Variants in MAST2 observed in about 807,000 individuals in gnomAD.
MAST2 encodes microtubule associated serine/threonine kinase 2.
In MAST2, 70 loss-of-function variants were observed where a neutral mutation model predicts 147.4. The observed-to-expected ratio is 0.47, with a 90% confidence interval of 0.39 to 0.58. The LOEUF is 0.58. Among genes scored for constraint, MAST2 ranks in the 20% least tolerant of loss-of-function variants. The probability of loss-of-function intolerance (pLI) is 0.00; values close to 1 mark genes in which losing one functional copy is unlikely to be tolerated. For missense variants in MAST2, 2,080 were observed against 2,302.3 expected (o/e 0.90, Z 1.98); for synonymous variants, 869 against 896.8 (o/e 0.97, Z 0.55).
chr1:45,965,212 A>G (rs1435813356), intron 5 of MAST2, among the ~76,000 whole-genome samples: 4 of 151,980 alleles, frequency 2.6e-5, no homozygotes, highest in Admixed American at 6.6e-5. Flanking sequence ...TGGGGTGGAG[A>G]GTTCTGTAGA....
At chr1:45,937,429 C>A (rs898171844) in intron 4 of MAST2, among the ~76,000 whole-genome samples, 1 of 151,926 alleles carries the variant, frequency 6.6e-6, no homozygotes, top group African/African-American at 2.4e-5. Flanking sequence ...CCATGCCTGG[C>A]TGAGACAAAA....
At chr1:45,975,037 GA>G (rs1355290986) in intron 5 of MAST2, among the ~76,000 whole-genome samples, 1 of 152,192 alleles carries the variant, frequency 6.6e-6, no homozygotes, top group Non-Finnish European at 1.5e-5. Context: ...GAGAATGCCT[GA>G]AGATGAAATG....
At chr1:45,923,121 G>T (rs1653799038) in intron 4 of MAST2, among the ~76,000 whole-genome samples, 1 of 152,180 alleles carries the variant, frequency 6.6e-6, no homozygotes, top group Non-Finnish European at 1.5e-5. Flanking sequence ...CTGCCCTAGT[G>T]CCCCTCTCTG....
chr1:45,808,224 T>C (rs1260975385), intron 1 of MAST2, among the ~76,000 whole-genome samples: 1 of 152,198 alleles, frequency 6.6e-6, no homozygotes, highest in East Asian at 1.9e-4. Flanking sequence ...ATTATATCCA[T>C]GGCTTTTTTT....
At chr1:45,891,731 T>A (rs1423386106) in intron 4 of MAST2, among the ~76,000 whole-genome samples, 1 of 152,114 alleles carries the variant, frequency 6.6e-6, no homozygotes, top group Non-Finnish European at 1.5e-5. Flanking sequence ...ACAAGGGTGG[T>A]CTCATTGGGT....
At chr1:45,986,666 G>A (rs1472497392) in intron 5 of MAST2, among the ~76,000 whole-genome samples, 2 of 144,776 alleles carry the variant, frequency 1.4e-5, no homozygotes, top group Non-Finnish European at 3.0e-5. Context: ...GCAGTGAGCC[G>A]AGATTGCGCC....
intron 4 of MAST2, among the ~76,000 whole-genome samples, chr1:45,946,043 T>C (rs56140667): frequency 0.19 from 29,368 of 152,164 alleles, 3,450 homozygotes; most frequent in Non-Finnish European, 0.26. Flanking sequence ...AAAACCATTA[T>C]CTCCCTTTCC....
intron 4 of MAST2, among the ~76,000 whole-genome samples, chr1:45,950,997 C>T (rs1347630679): frequency 2.0e-5 from 3 of 151,700 alleles, no homozygotes; most frequent in Admixed American, 6.6e-5. Flanking sequence ...GTGGGAGGAT[C>T]GCTTGAGCCC....
intron 1 of MAST2, among the ~76,000 whole-genome samples, chr1:45,817,139 T>C (rs1644480644): frequency 6.6e-6 from 1 of 151,430 alleles, no homozygotes; most frequent in South Asian, 2.1e-4. Context: ...AAAGAGGAGG[T>C]AGAGAGATAG....
At chr1:45,998,203 C>G (rs1306978651) in intron 6 of MAST2, among the ~76,000 whole-genome samples, 1 of 152,220 alleles carries the variant, frequency 6.6e-6, no homozygotes, top group Non-Finnish European at 1.5e-5. Context: ...TCTTTGTCCT[C>G]TCTAACTCAG....
At chr1:46,004,057 T>C (rs1402944063) in intron 7 of MAST2, among the ~76,000 whole-genome samples, 1 of 152,138 alleles carries the variant, frequency 6.6e-6, no homozygotes, top group Non-Finnish European at 1.5e-5. Context: ...TTTAAGATCT[T>C]TCTCTAATAA....
chr1:46,003,985 C>G (rs1249796587), intron 7 of MAST2, among the ~76,000 whole-genome samples: 1 of 152,124 alleles, frequency 6.6e-6, no homozygotes, highest in Non-Finnish European at 1.5e-5. Flanking sequence ...ATTTCCTCTC[C>G]CAACCTAGAT....
rs753099786 is a variant in MAST2 at position 46,035,171 on chromosome 1, T to C, written c.4502T>C (p.Val1501Ala). ...SLQKQEAIRE[V>A]DSSEDDTEEG... ...CAGAAGCAAGAAGCCATTCGTGAGGTGGACTCCTCAGAGGACGACACCGAG... is the reference window on the plus strand; with the variant it reads ...CAGAAGCAAGAAGCCATTCGTGAGGCGGACTCCTCAGAGGACGACACCGAG... The change falls in exon 29 of 29, where the codon GTG becomes GCG. Residue 1501 changes from valine to alanine, a missense_variant. This residue lies in a region of MAST2 where 1,278 missense variants were observed against 1,304.2 expected (regional missense o/e 0.98). Transcript: ENST00000361297. This position sits in a 1 kb window ranked among gnomAD's most constrained non-coding sequence, Gnocchi z 5.5. 2 of 1,613,534 alleles carry C rather than the reference T, an allele frequency of 1.2e-6. No homozygotes were observed. Among genetic ancestry groups the C allele is most frequent in the South Asian group, 1.1e-5 (1 of 91,062 alleles).
intron 4 of MAST2, among the ~76,000 whole-genome samples, chr1:45,949,854 G>A (rs1423305846): frequency 6.6e-6 from 1 of 152,176 alleles, no homozygotes; most frequent in African/African-American, 2.4e-5. Flanking sequence ...TAAAGAAAAT[G>A]TGGTACATAT....
chr1:45,891,030 A>G (rs1041227640), intron 4 of MAST2, among the ~76,000 whole-genome samples: 8 of 152,334 alleles, frequency 5.3e-5, no homozygotes, highest in Non-Finnish European at 1.2e-4. Context: ...TGGCAGATAT[A>G]TTAGCCAGTT....
chr1:46,000,605 G>T (rs1433007803), intron 6 of MAST2, among the ~76,000 whole-genome samples: 1 of 152,146 alleles, frequency 6.6e-6, no homozygotes, highest in African/African-American at 2.4e-5. Context: ...TGAGTCATGT[G>T]CATGGAACAT....
chr1:45,868,946 G>T (rs543647170), intron 3 of MAST2, among the ~76,000 whole-genome samples: 18 of 152,222 alleles, frequency 1.2e-4, no homozygotes, highest in African/African-American at 4.3e-4. Context: ...TCAGTTTTTA[G>T]TACCACTAAG....
At chr1:45,847,576 T>C (rs1570355064) in intron 3 of MAST2, 2 of 800,442 alleles carry the variant, frequency 2.5e-6, no homozygotes, top group East Asian at 7.3e-5. Flanking sequence ...TTTTTTCCCA[T>C]CCTGCACTTT....
At chr1:45,908,698 T>A (rs980076080) in intron 4 of MAST2, among the ~76,000 whole-genome samples, 12 of 152,168 alleles carry the variant, frequency 7.9e-5, no homozygotes, top group Non-Finnish European at 1.6e-4. Context: ...TGGCCTAGCA[T>A]GTGGTCTTTC....
Sources: gnomAD v4.1 joint callset for allele counts (sites outside exome capture counted in the v4.1 genomes callset) on GRCh38, gnomAD v4.1.1 for gene constraint, gnomAD v4.1.1 regional missense constraint, Gnocchi (gnomAD v3.1) non-coding constraint, MANE v1.5 for transcripts, NCBI Gene and HGNC (gene_info 2026-07-23, HGNC 2026-07-21) for gene names.